PDCD1LG2: variants seen among roughly 807,000 people sequenced by gnomAD.
PDCD1LG2 encodes B7 dendritic cell molecule.
A neutral mutation model predicts 28.2 loss-of-function variants in PDCD1LG2; 32 were observed. The observed-to-expected ratio is 1.13, with a 90% CI of 0.86 to 1.52. PDCD1LG2 has a LOEUF of 1.52. Ranked by LOEUF, PDCD1LG2 falls within the 40% of genes most tolerant of loss-of-function variation. The pLI is 0.00. For synonymous variants in PDCD1LG2, 116 were observed against 120.2 expected (o/e 0.97, Z 0.23); for missense variants, 385 against 323.8 (o/e 1.19, Z -1.45).
At chr9:5,549,129 C>T (rs1270774715) in intron 3 of PDCD1LG2, among the ~76,000 whole-genome samples, 1 of 152,096 alleles carries the variant, frequency 6.6e-6, no homozygotes, top group Non-Finnish European at 1.5e-5. Context: ...TCAACAATGC[C>T]ATCTTTATTG....
chr9:5,516,364 T>C (rs1294592381), intron 1 of PDCD1LG2, among the ~76,000 whole-genome samples: 1 of 152,222 alleles, frequency 6.6e-6, no homozygotes, highest in Non-Finnish European at 1.5e-5. Flanking sequence ...CCAGGGTTTT[T>C]ACAGGCTCAG....
chr9:5,564,922 A>G (rs1352551191), intron 6 of PDCD1LG2, among the ~76,000 whole-genome samples: 1 of 152,214 alleles, frequency 6.6e-6, no homozygotes, highest in African/African-American at 2.4e-5. Context: ...GTAATGAGTA[A>G]CTTTATTATT....
chr9:5,523,477 A>G (rs750301664), intron 2 of PDCD1LG2, among the ~76,000 whole-genome samples: 12 of 152,124 alleles, frequency 7.9e-5, no homozygotes, highest in Non-Finnish European at 1.5e-4. Flanking sequence ...CTGGTTCCAG[A>G]TCACTCTTCA....
In PDCD1LG2 at chr9:5,534,766, CT is replaced by C. The variant is rs779145961; in HGVS notation, c.78del (p.Lys27ArgfsTer5). ...QIAALFTVTVPKELYIIEHGS... is the reference protein window; with the variant it reads ...QIAALFTVTVXKELYIIEHGS... ...TCAGCTTTATTCACAGTGACAGTCC[CT>C]AAGGAACTGTACATAATAGAGCATG... On this transcript the variant is annotated frameshift_variant, in exon 3 of 7. Transcript: ENST00000397747. LOFTEE classifies it high-confidence loss of function. 1 of 1,610,460 alleles carries C rather than the reference CT, an allele frequency of 6.2e-7. No individual in the cohort carries two copies. Among genetic ancestry groups the C allele is most frequent in the East Asian group, 2.2e-5 (1 of 44,810 alleles).
rs1172233049 is a variant in PDCD1LG2 at position 5,553,303 on chromosome 9, T to C, written c.631+3699T>C. 2.6e-5 allele frequency among the ~76,000 whole-genome samples: 4 copies of C among 152,190 alleles called. No individual in the cohort carries two copies. In the East Asian group the frequency reaches 7.7e-4, roughly 29 times the overall value. The stretch of plus-strand genomic sequence containing the variant: ...ACTTCTCACCTCATGAAAGATGAAC[T>C]CTAACTAATTCATACTAAAGCTAAA... On this transcript the variant is annotated intron_variant, in intron 4 of 6. Transcript: ENST00000397747.
chr9:5,555,844 T>C (rs1470721023), intron 4 of PDCD1LG2, among the ~76,000 whole-genome samples: 1 of 152,326 alleles, frequency 6.6e-6, no homozygotes, highest in Non-Finnish European at 1.5e-5. Flanking sequence ...CACTTAACTA[T>C]AGGGGAGGCT....
intron 1 of PDCD1LG2, among the ~76,000 whole-genome samples, chr9:5,512,534 C>G (rs372053035): frequency 1.2e-3 from 187 of 152,308 alleles, no homozygotes; most frequent in African/African-American, 4.2e-3. Context: ...TTCACTAGTC[C>G]TCTGTTCCTG....
chr9:5,521,676 C>G (rs961596864), intron 1 of PDCD1LG2, among the ~76,000 whole-genome samples: 2 of 152,178 alleles, frequency 1.3e-5, no homozygotes, highest in African/African-American at 4.8e-5. Context: ...ATTCTCCTGA[C>G]CCAAACCCTC....
At chr9:5,558,510 C>A (rs1816492589) in intron 5 of PDCD1LG2, among the ~76,000 whole-genome samples, 1 of 152,160 alleles carries the variant, frequency 6.6e-6, no homozygotes, top group Admixed American at 6.5e-5. Flanking sequence ...TGTCTGCACT[C>A]AATGAACTTC....
intron 1 of PDCD1LG2, among the ~76,000 whole-genome samples, chr9:5,521,042 C>T (rs532000655): frequency 7.9e-5 from 12 of 152,168 alleles, no homozygotes; most frequent in African/African-American, 2.2e-4. Context: ...CAAAAAGGAA[C>T]GCAGTGCTGA....
chr9:5,541,023 G>A (rs1820677593), intron 3 of PDCD1LG2, among the ~76,000 whole-genome samples: 1 of 152,172 alleles, frequency 6.6e-6, no homozygotes, highest in African/African-American at 2.4e-5. Context: ...CCATGATCAA[G>A]TGGGTTTTAC....
intron 6 of PDCD1LG2, among the ~76,000 whole-genome samples, chr9:5,565,980 C>T (rs1816657981): frequency 6.6e-6 from 1 of 151,866 alleles, no homozygotes; most frequent in African/African-American, 2.4e-5. Flanking sequence ...TAGAAATTGC[C>T]ATGGTTAAGA....
At chr9:5,544,830 A>G (rs543347659) in intron 3 of PDCD1LG2, among the ~76,000 whole-genome samples, 1 of 152,350 alleles carries the variant, frequency 6.6e-6, no homozygotes, top group South Asian at 2.1e-4. Context: ...GCAGCAGATC[A>G]TATATTTAGC....
At chr9:5,520,496 T>C (rs1820253039) in intron 1 of PDCD1LG2, among the ~76,000 whole-genome samples, 1 of 152,236 alleles carries the variant, frequency 6.6e-6, no homozygotes, top group Non-Finnish European at 1.5e-5. Flanking sequence ...TTCTTTTGCA[T>C]GTGGACATCC....
At chr9:5,516,792 T>A (rs1048836478) in intron 1 of PDCD1LG2, among the ~76,000 whole-genome samples, 1 of 152,206 alleles carries the variant, frequency 6.6e-6, no homozygotes, top group African/African-American at 2.4e-5. Flanking sequence ...GGCCACAACT[T>A]TGCTTCACCC....
chr9:5,529,782 G>C (rs930374682), intron 2 of PDCD1LG2, among the ~76,000 whole-genome samples: 50 of 152,130 alleles, frequency 3.3e-4, no homozygotes, highest in African/African-American at 1.2e-3. Context: ...CCTATCTTTA[G>C]ATCCAAAACT....
intron 1 of PDCD1LG2, among the ~76,000 whole-genome samples, chr9:5,516,612 C>T (rs1036827761): frequency 1.1e-4 from 17 of 152,222 alleles, no homozygotes; most frequent in African/African-American, 2.4e-4. Flanking sequence ...GCTGTTCGTG[C>T]CGAGGGGTGC....
intron 2 of PDCD1LG2, among the ~76,000 whole-genome samples, chr9:5,525,853 C>T (rs1272110068): frequency 6.6e-6 from 1 of 151,960 alleles, no homozygotes; most frequent in Non-Finnish European, 1.5e-5. Flanking sequence ...CCGAGACCAG[C>T]CTGGCCCGCA....
chr9:5,521,697 C>A (rs1820278200), intron 1 of PDCD1LG2, among the ~76,000 whole-genome samples: 3 of 152,194 alleles, frequency 2.0e-5, no homozygotes, highest in African/African-American at 7.2e-5. Flanking sequence ...CACTGCTTTT[C>A]ATCACACTCA....
Sources: gnomAD v4.1 joint callset for allele counts (sites outside exome capture counted in the v4.1 genomes callset) on GRCh38, gnomAD v4.1.1 for gene constraint, MANE v1.5 for transcripts, NCBI Gene and HGNC (gene_info 2026-07-23, HGNC 2026-07-21) for gene names.